HS3ST4: variants seen among roughly 807,000 people sequenced by gnomAD.
The protein encoded by HS3ST4 is heparan sulfate-glucosamine 3-sulfotransferase 4.
Under a neutral mutation model 29.2 loss-of-function variants are expected in HS3ST4, and 17 were observed. The ratio of observed to expected loss-of-function variants is 0.58; its 90% CI spans 0.40 to 0.87. HS3ST4 has a LOEUF of 0.87. Among genes scored for constraint, HS3ST4 ranks in the 40% least tolerant of loss-of-function variants. HS3ST4 has a pLI of 0.00. For missense variants in HS3ST4, 627 were observed against 634.5 expected (o/e 0.99, Z 0.13); for synonymous variants, 314 against 285.7 (o/e 1.10, Z -1.00).
At chr16:25,977,555 G>C (rs1968955711) in intron 1 of HS3ST4, among the ~76,000 whole-genome samples, 1 of 152,154 alleles carries the variant, frequency 6.6e-6, no homozygotes, top group African/African-American at 2.4e-5. Flanking sequence ...CCAATCCAAA[G>C]TTTCTTTTTA....
At chr16:25,746,024 T>A (rs1486670947) in intron 1 of HS3ST4, among the ~76,000 whole-genome samples, 1 of 152,200 alleles carries the variant, frequency 6.6e-6, no homozygotes, top group Non-Finnish European at 1.5e-5. Context: ...TTACCTTCTA[T>A]TGGAAATCCT....
chr16:25,911,669 C>G (rs1393816499), intron 1 of HS3ST4, among the ~76,000 whole-genome samples: 2 of 151,706 alleles, frequency 1.3e-5, no homozygotes, highest in Non-Finnish European at 2.9e-5. Context: ...ACCAACATAC[C>G]TGGCTCATTT....
chr16:25,823,102 G>T (rs1567247955), intron 1 of HS3ST4, among the ~76,000 whole-genome samples: 1 of 152,124 alleles, frequency 6.6e-6, no homozygotes, highest in South Asian at 2.1e-4. Flanking sequence ...TCAAGCCCCA[G>T]CTTCTTCTTT....
At chr16:26,047,835 A>G (rs1167402617) in intron 1 of HS3ST4, among the ~76,000 whole-genome samples, 2 of 152,216 alleles carry the variant, frequency 1.3e-5, no homozygotes, top group African/African-American at 2.4e-5. Context: ...GGTGGTGATG[A>G]TGGACCATGA....
At chr16:25,746,326 A>G (rs1332805463) in intron 1 of HS3ST4, among the ~76,000 whole-genome samples, 6 of 152,184 alleles carry the variant, frequency 3.9e-5, no homozygotes, top group Non-Finnish European at 7.3e-5. Flanking sequence ...TCAGAGAATG[A>G]TTTTCAGGTC....
At chr16:26,109,311 TC>T (rs1899097190) in intron 1 of HS3ST4, among the ~76,000 whole-genome samples, 1 of 152,174 alleles carries the variant, frequency 6.6e-6, no homozygotes, top group Non-Finnish European at 1.5e-5. Flanking sequence ...GGCGACAGCA[TC>T]ATTTATATCT....
intron 1 of HS3ST4, among the ~76,000 whole-genome samples, chr16:25,964,109 A>G (rs1968820091): frequency 6.6e-6 from 1 of 151,534 alleles, no homozygotes; most frequent in Non-Finnish European, 1.5e-5. Context: ...CGGGAAGAGG[A>G]GGTGGCAGGG....
At chr16:25,864,786 A>G (rs1187715463) in intron 1 of HS3ST4, among the ~76,000 whole-genome samples, 2 of 151,916 alleles carry the variant, frequency 1.3e-5, no homozygotes, top group Non-Finnish European at 2.9e-5. Context: ...GTGTGTATAC[A>G]TATATTTGTT....
At chr16:26,045,837 C>T (rs571266372) in intron 1 of HS3ST4, among the ~76,000 whole-genome samples, 2 of 152,314 alleles carry the variant, frequency 1.3e-5, no homozygotes, top group East Asian at 1.9e-4. Context: ...TTTTCCTTGA[C>T]CACATTTAAT....
chr16:26,011,297 C>T lies in HS3ST4; in HGVS notation c.735-124315C>T, dbSNP rs566429866. Among the ~76,000 whole-genome samples the T allele has an allele frequency of 2.5e-3, 379 of 152,332 alleles. 2 individuals carry two copies. The highest frequency in any genetic ancestry group is 0.017 in the Middle Eastern group (5 of 294). ...AATTTTGGCCAGGCGTGGTGGCTCACGCCTGTAATCCCAGCACTTCGGGTG... is the reference window on the plus strand; with the variant it reads ...AATTTTGGCCAGGCGTGGTGGCTCATGCCTGTAATCCCAGCACTTCGGGTG... On this transcript the variant is annotated intron_variant, in intron 1 of 1. Transcript: ENST00000331351.
chr16:25,772,637 A>G (rs1482890621), intron 1 of HS3ST4, among the ~76,000 whole-genome samples: 1 of 152,204 alleles, frequency 6.6e-6, no homozygotes, highest in African/African-American at 2.4e-5. Context: ...AAACATGGAA[A>G]TACACACTGT....
In HS3ST4 at chr16:26,066,481, G is replaced by A. The variant is rs547794044; in HGVS notation, c.735-69131G>A. ...TTCTACATAAGAAATGAACAAAGGC[G>A]AAAAGTTTTAATCTGTTCCCCGTTC... On this transcript the variant is annotated intron_variant, in intron 1 of 1. Transcript: ENST00000331351. 1.4e-4 allele frequency among the ~76,000 whole-genome samples: 21 copies of A among 152,256 alleles called. No individual in the cohort carries two copies. The South Asian group carries it at 3.3e-3, about 24-fold the overall frequency.
At chr16:25,708,156 C>T (rs1192256292) in intron 1 of HS3ST4, among the ~76,000 whole-genome samples, 1 of 152,124 alleles carries the variant, frequency 6.6e-6, no homozygotes. Context: ...CTCAGCTATC[C>T]CTGCTATTTA....
chr16:26,121,506 T>C (rs1034075907), intron 1 of HS3ST4, among the ~76,000 whole-genome samples: 1 of 152,068 alleles, frequency 6.6e-6, no homozygotes, highest in African/African-American at 2.4e-5. Flanking sequence ...CTCAGACCCA[T>C]AGAAGGGTGA....
At chr16:26,037,376 T>C (rs1413327089) in intron 1 of HS3ST4, among the ~76,000 whole-genome samples, 1 of 152,208 alleles carries the variant, frequency 6.6e-6, no homozygotes, top group African/African-American at 2.4e-5. Flanking sequence ...AGAGATTGTG[T>C]GCCAATGTTT....
At chr16:25,995,487 T>C (rs549335008) in intron 1 of HS3ST4, among the ~76,000 whole-genome samples, 27 of 152,282 alleles carry the variant, frequency 1.8e-4, no homozygotes, top group African/African-American at 6.0e-4. Flanking sequence ...TGGAAAAACA[T>C]TGGTTTCCCA....
chr16:26,094,347 T>A (rs964254600), intron 1 of HS3ST4, among the ~76,000 whole-genome samples: 1 of 152,166 alleles, frequency 6.6e-6, no homozygotes, highest in Non-Finnish European at 1.5e-5. Flanking sequence ...GGAAAAAATG[T>A]TAAGGGCAGC....
intron 1 of HS3ST4, among the ~76,000 whole-genome samples, chr16:25,717,510 G>GGTGTGTGT (rs763190199): frequency 1.2e-3 from 161 of 132,906 alleles, no homozygotes; most frequent in East Asian, 4.2e-3. Context: ...AAGGTGAAGG[G>GGTGTGTGT]GTGTGTGTGT....
intron 1 of HS3ST4, among the ~76,000 whole-genome samples, chr16:25,728,981 G>T (rs906316377): frequency 9.9e-5 from 15 of 152,116 alleles, no homozygotes; most frequent in African/African-American, 3.6e-4. Flanking sequence ...TACTTGGGAG[G>T]CTGAGGTGGG....
Sources: gnomAD v4.1 joint callset for allele counts (sites outside exome capture counted in the v4.1 genomes callset) on GRCh38, gnomAD v4.1.1 for gene constraint, MANE v1.5 for transcripts, NCBI Gene and HGNC (gene_info 2026-07-23, HGNC 2026-07-21) for gene names.